Variants in SYNE2 observed in about 807,000 individuals in gnomAD.
SYNE2 encodes spectrin repeat containing nuclear envelope protein 2, also known as nesprin-2.
In SYNE2, 431 loss-of-function variants were observed where a neutral mutation model predicts 856.3. That is an observed-to-expected ratio of 0.50 (90% CI 0.47 to 0.55). The LOEUF (loss-of-function observed/expected upper bound fraction) is 0.55, where lower values mean the gene tolerates loss of function less well. Ranked by LOEUF, SYNE2 falls within the 20% of genes least tolerant of loss-of-function variation. The pLI, the probability that SYNE2 is intolerant of heterozygous loss-of-function variation, is 0.00. For synonymous variants in SYNE2, 2,923 were observed against 2,872.3 expected (o/e 1.02, Z -0.56); for missense variants, 8,129 against 8,023.2 (o/e 1.01, Z -0.50).
At chr14:64,209,196 T>A in intron 101 of SYNE2, 1 of 817,598 alleles carries the variant, frequency 1.2e-6, no homozygotes, top group Non-Finnish European at 1.9e-6. Context: ...AGCTGGGCAG[T>A]AGTGGAGGCA....
intron 73 of SYNE2, among the ~76,000 whole-genome samples, chr14:64,127,021 G>C (rs1171517226): frequency 6.6e-6 from 1 of 152,214 alleles, no homozygotes; most frequent in African/African-American, 2.4e-5. Context: ...CACTTTGGGA[G>C]AGGCCAAGGC....
rs750213740 is a variant in SYNE2 at position 64,146,106 on chromosome 14, G to C, written c.15522G>C (p.Glu5174Asp). Residue 5174 changes from glutamate (E) to aspartate (D), a missense_variant, in exon 84 of 116, where the codon GAG becomes GAC. Coordinates refer to ENST00000555002, the MANE Select transcript of SYNE2 (RefSeq NM_182914.3). ...HLEQLLESIT[E>D]SENKIQILNN... ...AACAACTTCTAGAAAGTATCACTGA[G>C]AGTGAAAATAAAATACAGATCTTGA... The C allele has an allele frequency of 6.3e-7, 1 of 1,597,320 alleles. No individual in the cohort carries two copies. Among genetic ancestry groups the C allele is most frequent in the South Asian group, 1.1e-5 (1 of 89,292 alleles).
At chr14:63,835,300 C>A (rs1331711108) in intron 1 of SYNE2, among the ~76,000 whole-genome samples, 1 of 152,166 alleles carries the variant, frequency 6.6e-6, no homozygotes, top group African/African-American at 2.4e-5. Flanking sequence ...GTGGTCCAAT[C>A]TCAGCTCACT....
chr14:64,094,794 A>G (rs2097662904), intron 61 of SYNE2, among the ~76,000 whole-genome samples: 1 of 152,262 alleles, frequency 6.6e-6, no homozygotes, highest in Non-Finnish European at 1.5e-5. Flanking sequence ...ATTGATAACT[A>G]AATTAAAACT....
intron 83 of SYNE2, 62 bp downstream of exon 83, chr14:64,144,010 A>C (rs541478558): frequency 6.2e-7 from 1 of 1,601,692 alleles, no homozygotes; most frequent in Non-Finnish European, 8.6e-7. Context: ...CTTTCTGAAA[A>C]ATCAAAAAAG....
rs191335907 is a variant in SYNE2, at chr14:63,930,616, C to T, written c.80-9998C>T. On this transcript the variant is annotated intron_variant, in intron 2 of 115. Coordinates refer to ENST00000555002, the MANE Select transcript of SYNE2 (RefSeq NM_182914.3). ...TGGTGCAATCATAGCTCACTGCAAA[C>T]CTTCGCCTCCCAAGTTCAAGTGATT... Among the ~76,000 whole-genome samples the T allele has an allele frequency of 1.1e-4, 16 of 151,556 alleles. No individual in the cohort carries two copies. In the East Asian group the frequency reaches 3.1e-3, roughly 30 times the overall value.
intron 1 of SYNE2, among the ~76,000 whole-genome samples, chr14:63,865,714 A>T (rs58432462): frequency 2.1e-4 from 10 of 47,510 alleles, no homozygotes; most frequent in African/African-American, 6.0e-4. Context: ...CTCTGTACCC[A>T]CCCCCCCCCC....
intron 11 of SYNE2, among the ~76,000 whole-genome samples, chr14:63,974,036 C>A (rs2096506531): frequency 6.6e-6 from 1 of 152,112 alleles, no homozygotes; most frequent in Admixed American, 6.6e-5. Flanking sequence ...TCAAGACCAG[C>A]CTGGGCAACA....
chr14:63,820,379 C>T (rs1253139050), intron 1 of SYNE2, among the ~76,000 whole-genome samples: 1 of 152,104 alleles, frequency 6.6e-6, no homozygotes, highest in African/African-American at 2.4e-5. Context: ...TCAATGCATA[C>T]TTGGTGCCAT....
chr14:63,789,551 G>A (rs1178350832), intron 1 of SYNE2, among the ~76,000 whole-genome samples: 1 of 152,100 alleles, frequency 6.6e-6, no homozygotes, highest in African/African-American at 2.4e-5. Flanking sequence ...GGAGGCCAAG[G>A]CAGGCAGATC....
At chr14:64,110,719 T>A (rs1407306925) in intron 65 of SYNE2, among the ~76,000 whole-genome samples, 1 of 151,518 alleles carries the variant, frequency 6.6e-6, no homozygotes, top group East Asian at 1.9e-4. Context: ...AAGGGAACTC[T>A]GAATTAAAAG....
chr14:64,122,700 G>A (rs878886870), intron 70 of SYNE2, among the ~76,000 whole-genome samples: 2 of 152,150 alleles, frequency 1.3e-5, no homozygotes, highest in South Asian at 2.1e-4. Context: ...GGGGAAGAAA[G>A]ACAGATCATG....
At chr14:64,202,158 G>A in intron 99 of SYNE2, 1 of 702,000 alleles carries the variant, frequency 1.4e-6, no homozygotes, top group East Asian at 2.7e-5. Flanking sequence ...GCGCTTGCGT[G>A]CAGATTTCCT....
In SYNE2 at chr14:64,058,616, A is replaced by G. The variant is rs117632061; in HGVS notation, c.10067+2350A>G. On this transcript the variant is annotated intron_variant, in intron 49 of 115. Transcript: ENST00000555002. ...TGCCTCAGCCTCCCAGGTAACTGAG[A>G]TTACAGGCACAAGCCACCACACTGG... Among the ~76,000 whole-genome samples, 158 of 152,222 alleles carry G rather than the reference A, an allele frequency of 1.0e-3. 2 individuals are homozygous for G. In the East Asian group the frequency reaches 0.016, roughly 15 times the overall value.
At chr14:63,974,816 A>G (rs1287519475) in intron 11 of SYNE2, among the ~76,000 whole-genome samples, 1 of 97,438 alleles carries the variant, frequency 1.0e-5, no homozygotes, top group Admixed American at 1.0e-4. Context: ...GTATATATGT[A>G]TATACATATG....
chr14:63,826,178 G>T (rs1889422731), intron 1 of SYNE2, among the ~76,000 whole-genome samples: 1 of 152,192 alleles, frequency 6.6e-6, no homozygotes, highest in South Asian at 2.1e-4. Context: ...AAGATAGTGT[G>T]GTATTGGCAT....
At chr14:63,876,138 C>T (rs1464706253) in intron 1 of SYNE2, among the ~76,000 whole-genome samples, 2 of 151,632 alleles carry the variant, frequency 1.3e-5, no homozygotes, top group Non-Finnish European at 1.5e-5. Context: ...ATCGGCTGGA[C>T]GTGGTGGCTC....
chr14:64,208,620 C>A (rs1167386592), intron 100 of SYNE2, 138 bp from the exon 101 acceptor site: 1 of 859,526 alleles, frequency 1.2e-6, no homozygotes, highest in Non-Finnish European at 1.9e-6. Context: ...ATGTGTACTG[C>A]CAAGTTCATG....
intron 104 of SYNE2, among the ~76,000 whole-genome samples, chr14:64,212,543 A>G (rs373234309): frequency 7.2e-5 from 11 of 152,212 alleles, no homozygotes; most frequent in African/African-American, 2.7e-4. Flanking sequence ...TTTCTCTCAC[A>G]CCTAATAACA....
Sources: allele counts gnomAD v4.1 joint callset (sites outside exome capture counted in the v4.1 genomes callset), GRCh38; gene constraint gnomAD v4.1.1; transcripts MANE v1.5; gene names NCBI Gene and HGNC (gene_info 2026-07-23, HGNC 2026-07-21).